Variants in KANK1 observed in about 807,000 individuals in gnomAD.
The protein encoded by KANK1 is KN motif and ankyrin repeat domains 1.
A neutral mutation model predicts 106.2 loss-of-function variants in KANK1; 109 were observed. The observed-to-expected ratio is 1.03, with a 90% CI of 0.88 to 1.20. KANK1 has a LOEUF of 1.20. Ranked by LOEUF, KANK1 falls within the 50% of genes most tolerant of loss-of-function variation. The pLI is 0.00. For missense variants in KANK1, 2,399 were observed against 1,710.7 expected (o/e 1.40, Z -7.10); for synonymous variants, 873 against 652.2 (o/e 1.34, Z -5.16).
At chr9:630,209 C>G (rs979974013) in intron 1 of KANK1, among the ~76,000 whole-genome samples, 2 of 151,640 alleles carry the variant, frequency 1.3e-5, no homozygotes. Context: ...GGTTGCACCA[C>G]TGCATTCCAG....
At chr9:576,656 G>T (rs115508200) in intron 1 of KANK1, among the ~76,000 whole-genome samples, 65 of 152,250 alleles carry the variant, frequency 4.3e-4, no homozygotes, top group African/African-American at 1.5e-3. Flanking sequence ...CATGGGGCAT[G>T]CAGTTTGTGT....
chr9:606,564 A>G (rs1588188899), intron 1 of KANK1, among the ~76,000 whole-genome samples: 2 of 127,646 alleles, frequency 1.6e-5, no homozygotes, highest in East Asian at 1.9e-4. Context: ...CTCAGAAAAA[A>G]AATATATGTG....
intron 1 of KANK1, among the ~76,000 whole-genome samples, chr9:575,910 C>A (rs1820431843): frequency 6.6e-6 from 1 of 152,294 alleles, no homozygotes; most frequent in South Asian, 2.1e-4. Flanking sequence ...ATAATCCCAG[C>A]CACTTGAGAG....
Position 712,388 on chromosome 9 carries a change from C to T in KANK1, c.1622C>T (p.Ser541Phe), listed in dbSNP as rs777978179. 6.2e-7 allele frequency: 1 copy of T among 1,614,122 alleles called. No individual in the cohort carries two copies. Among genetic ancestry groups the T allele is most frequent in the South Asian group, 1.1e-5 (1 of 91,084 alleles). The change falls in exon 3 of 12, where the codon TCC (serine) becomes TTC (phenylalanine). Residue 541 changes from serine to phenylalanine, a missense_variant. Coordinates refer to ENST00000382297, the MANE Select transcript of KANK1 (RefSeq NM_015158.5). The stretch of plus-strand genomic sequence containing the variant: ...CTGGTGGACACGTGTGTTGGGACCT[C>T]CGTGGAAACAAACAGTGTAGGCATC... ...MDLVDTCVGT[S>F]VETNSVGISC...
In KANK1 at chr9:492,953, G is replaced by A. The variant is rs2058400938; in HGVS notation, c.-362+19680G>A. Among the ~76,000 whole-genome samples the A allele has an allele frequency of 2.0e-5, 3 of 151,514 alleles. No homozygotes were observed. The South Asian group carries it at 6.3e-4, about 32-fold the overall frequency. On this transcript the variant is annotated intron_variant, in intron 3 of 15. Coordinates refer to the KANK1 transcript ENST00000382303. ...GCAGGAGAATCACTTGAACTCAGGA[G>A]GCAGAGGTTGCGGTGAGCTGAGATC...
upstream of KANK1, among the ~76,000 whole-genome samples, chr9:503,341 T>C (rs546428025): frequency 6.6e-6 from 1 of 152,274 alleles, no homozygotes; most frequent in African/African-American, 2.4e-5. Flanking sequence ...AAGAGTTTGC[T>C]TACTGCCACC....
chr9:709,496 T>C (rs1339061027), intron 2 of KANK1, among the ~76,000 whole-genome samples: 1 of 152,208 alleles, frequency 6.6e-6, no homozygotes, highest in Admixed American at 6.5e-5. Flanking sequence ...ACTTTTAGTT[T>C]TTTTGTGTGC....
At chr9:570,472 C>G (rs917167371) in intron 1 of KANK1, among the ~76,000 whole-genome samples, 2 of 152,200 alleles carry the variant, frequency 1.3e-5, no homozygotes, top group African/African-American at 2.4e-5. Flanking sequence ...GAAGCCTAAT[C>G]TGTGACCTAG....
intron 1 of KANK1, among the ~76,000 whole-genome samples, chr9:574,964 T>G (rs969881255): frequency 6.6e-6 from 1 of 152,166 alleles, no homozygotes. Context: ...GAACTTGAAG[T>G]CATTTTACAT....
intron 1 of KANK1, among the ~76,000 whole-genome samples, chr9:614,693 G>T (rs966979048): frequency 6.6e-6 from 1 of 152,178 alleles, no homozygotes; most frequent in Non-Finnish European, 1.5e-5. Flanking sequence ...GCCTCCTGGG[G>T]TGGGGCCAGT....
intron 1 of KANK1, among the ~76,000 whole-genome samples, chr9:544,298 C>T (rs2133916548): frequency 6.6e-6 from 1 of 152,278 alleles, no homozygotes; most frequent in South Asian, 2.1e-4. Context: ...GCTAGGAGTA[C>T]AGGCAAGAGC....
chr9:720,066 G>A (rs1242987894), intron 3 of KANK1, among the ~76,000 whole-genome samples: 2 of 152,168 alleles, frequency 1.3e-5, no homozygotes, highest in Non-Finnish European at 2.9e-5. Flanking sequence ...ATGCATCAAA[G>A]GTGTTCCTCT....
intron 1 of KANK1, among the ~76,000 whole-genome samples, chr9:560,422 A>T (rs991446097): frequency 3.3e-5 from 5 of 152,182 alleles, no homozygotes; most frequent in African/African-American, 1.2e-4. Flanking sequence ...GGAACTATTA[A>T]GGAAGAGGAA....
intron 2 of KANK1, among the ~76,000 whole-genome samples, chr9:679,393 C>T (rs1817058950): frequency 6.6e-6 from 1 of 151,714 alleles, no homozygotes; most frequent in Admixed American, 6.6e-5. Context: ...TGTGTGTACA[C>T]CATATATATG....
intron 1 of KANK1, among the ~76,000 whole-genome samples, chr9:655,725 T>G (rs1588623197): frequency 6.6e-6 from 1 of 152,180 alleles, no homozygotes; most frequent in South Asian, 2.1e-4. Context: ...ATAGAACAAA[T>G]AAAAGCAATG....
intron 1 of KANK1, among the ~76,000 whole-genome samples, chr9:628,112 C>T (rs1446708298): frequency 6.6e-6 from 1 of 152,176 alleles, no homozygotes; most frequent in Non-Finnish European, 1.5e-5. Flanking sequence ...AGAGTATTTC[C>T]TGCATCTTAT....
intron 2 of KANK1, among the ~76,000 whole-genome samples, chr9:700,219 C>T (rs1224767826): frequency 6.6e-6 from 1 of 152,166 alleles, no homozygotes. Context: ...AAAAGAAAAT[C>T]TCATCTGTTA....
At chr9:517,359 T>C (rs10974953) in intron 1 of KANK1, among the ~76,000 whole-genome samples, 35,563 of 151,508 alleles carry the variant, frequency 0.23, 6,382 homozygotes, top group African/African-American at 0.48. Context: ...GCCTCGGCCT[T>C]CCAAAGTGCT....
intron 1 of KANK1, among the ~76,000 whole-genome samples, chr9:668,919 T>G (rs1482397715): frequency 6.6e-6 from 1 of 152,098 alleles, no homozygotes; most frequent in Admixed American, 6.6e-5. Flanking sequence ...TGCACTCTTA[T>G]GAGAATCTAT....
Sources: allele counts gnomAD v4.1 joint callset (sites outside exome capture counted in the v4.1 genomes callset), GRCh38; gene constraint gnomAD v4.1.1; transcripts MANE v1.5; gene names NCBI Gene and HGNC (gene_info 2026-07-23, HGNC 2026-07-21).